The following SYDE2 variants were observed in gnomAD, a reference collection of about 807,000 sequenced individuals.
SYDE2 encodes the protein synapse defective Rho GTPase homolog 2, also known as rho GTPase-activating protein SYDE2.
Under a neutral mutation model 91.5 loss-of-function variants are expected in SYDE2, and 76 were observed. The observed-to-expected ratio is 0.83, with a 90% CI of 0.69 to 1.01. The LOEUF is 1.01. Among genes scored for constraint, SYDE2 ranks in the 50% least tolerant of loss-of-function variants. SYDE2 has a pLI of 0.00. For synonymous variants in SYDE2, 513 were observed against 506.4 expected, an observed-to-expected ratio of 1.01 and a Z score of -0.18; for missense variants, 1,364 against 1,367.7, an observed-to-expected ratio of 1.00 and a Z score of 0.04.
chr1:85,169,683 A>C (rs975004840), intron 4 of SYDE2, among the ~76,000 whole-genome samples: 1 of 152,230 alleles, frequency 6.6e-6, no homozygotes, highest in Non-Finnish European at 1.5e-5. Flanking sequence ...TTGGAAATAA[A>C]TACATTTCCT....
intron 2 of SYDE2, among the ~76,000 whole-genome samples, chr1:85,186,252 A>G (rs547167490): frequency 6.6e-6 from 1 of 152,182 alleles, no homozygotes; most frequent in Non-Finnish European, 1.5e-5. Context: ...TTGGTCTAAA[A>G]TTCTCTTTTT....
At chr1:85,183,265 T>G (rs1416025064) in intron 2 of SYDE2, 65 bp from the exon 3 acceptor site, 1 of 1,420,310 alleles carries the variant, frequency 7.0e-7, no homozygotes, top group African/African-American at 1.4e-5. Context: ...ATTCTTATTT[T>G]ATAAACCATC....
chr1:85,164,612 A>G lies in SYDE2; in HGVS notation c.2999T>C (p.Val1000Ala), dbSNP rs775922935. The change falls in exon 6 of 7, where the codon GTC becomes GCC. Residue 1000 changes from valine (V) to alanine (A), a missense_variant. By Grantham distance (64) the Val-to-Ala change is moderately conservative. Transcript: ENST00000341460. ...RQEPSTHNNR[V>A]FTDSEELASA... ...TGCAAGTTCTTCTGAATCAGTAAAG[A>G]CTCTGTTGTTATGGGTGGAAGGCTC... 1 of 1,607,316 alleles carries G rather than the reference A, an allele frequency of 6.2e-7. No homozygotes were observed. Among genetic ancestry groups the G allele is most frequent in the Non-Finnish European group, 8.5e-7 (1 of 1,176,644 alleles).
At chr1:85,199,862 A>G (rs1349854938) in intron 1 of SYDE2, among the ~76,000 whole-genome samples, 4 of 152,176 alleles carry the variant, frequency 2.6e-5, no homozygotes, top group Admixed American at 6.5e-5. Flanking sequence ...TACAAACTCC[A>G]CAAAAGTCTA....
At chr1:85,164,021 T>C (rs1048053218) in intron 6 of SYDE2, among the ~76,000 whole-genome samples, 4 of 152,174 alleles carry the variant, frequency 2.6e-5, no homozygotes, top group Non-Finnish European at 4.4e-5. Context: ...GTTAAAGACG[T>C]AAAGAAGAAT....
At chr1:85,185,663 T>G (rs1196150639) in intron 2 of SYDE2, among the ~76,000 whole-genome samples, 1 of 152,212 alleles carries the variant, frequency 6.6e-6, no homozygotes, top group East Asian at 1.9e-4. Context: ...TCCTGAGACT[T>G]TGCTGAAGTT....
intron 1 of SYDE2, among the ~76,000 whole-genome samples, chr1:85,198,207 A>T (rs1170494261): frequency 6.6e-6 from 1 of 152,166 alleles, no homozygotes; most frequent in Non-Finnish European, 1.5e-5. Context: ...ATCCATACAC[A>T]GGTACCAACT....
chr1:85,200,755 G>A lies in SYDE2; in HGVS notation c.242C>T (p.Pro81Leu). Residue 81 changes from proline (P) to leucine (L), a missense_variant, in exon 1 of 7, where the codon CCG becomes CTG. Transcript: ENST00000341460. ...GCTCTCGAGGCTTCTGCTGCAGGAC[G>A]GCCGCATCCGAGGAGTCCGCAGCTG... ...GGQLRTPRMR[P>L]SCSRSLESLR... 6.5e-7 allele frequency: 1 copy of A among 1,529,480 alleles called. No homozygotes were observed. The highest frequency in any genetic ancestry group is 1.4e-5 in the African/African-American group (1 of 72,744). The allele number at this position is 1,529,480 out of a possible 1,614,324, so 94.7% of individuals were successfully genotyped here.
In SYDE2 at chr1:85,164,594, TC is replaced by T; in HGVS notation, c.3016del (p.Glu1006AsnfsTer27). 6.2e-7 allele frequency: 1 copy of T among 1,608,320 alleles called. No individual in the cohort carries two copies. ...TTTAAAATCCAAAGCACTTGCAAGT[TC>T]TTCTGAATCAGTAAAGACTCTGTTG... The part of the protein sequence containing the change: ...HNNRVFTDSE[E>X]LASALDFKKH... On this transcript the variant is annotated frameshift_variant, in exon 6 of 7. Transcript: ENST00000341460. LOFTEE classifies it high-confidence loss of function.
intron 6 of SYDE2, among the ~76,000 whole-genome samples, chr1:85,163,934 T>C (rs1657170345): frequency 6.6e-6 from 1 of 152,028 alleles, no homozygotes; most frequent in African/African-American, 2.4e-5. Context: ...GAAATAAGGA[T>C]TGGATAAGAA....
At chr1:85,154,588 G>A (rs1656835974), downstream of SYDE2, among the ~76,000 whole-genome samples, 2 of 149,926 alleles carry the variant, frequency 1.3e-5, no homozygotes, top group Admixed American at 1.3e-4. Context: ...GGAACTCACT[G>A]AAAAAACATG....
chr1:85,199,991 C>T (rs976747938), intron 1 of SYDE2, among the ~76,000 whole-genome samples: 2 of 151,824 alleles, frequency 1.3e-5, no homozygotes, highest in African/African-American at 2.4e-5. Context: ...GGAATAGACA[C>T]ACTGGTTTTT....
chr1:85,178,578 GTGCGCCCTT>G (rs1429028082), intron 3 of SYDE2, among the ~76,000 whole-genome samples: 1 of 152,108 alleles, frequency 6.6e-6, no homozygotes, highest in Non-Finnish European at 1.5e-5. Context: ...CCCCAGGAAT[GTGCGCCCTT>G]TCACATCTTT....
intron 6 of SYDE2, chr1:85,160,408 T>G (rs1452246251): frequency 2.3e-6 from 2 of 887,132 alleles, no homozygotes; most frequent in African/African-American, 3.6e-5. Context: ...GGTATGTTTT[T>G]AACATTTCTA....
chr1:85,164,454 G>T, intron 6 of SYDE2, 72 bp downstream of exon 6: 1 of 1,078,222 alleles, frequency 9.3e-7, no homozygotes. Flanking sequence ...TCATATATGA[G>T]CATATTTAAT....
Position 85,200,632 on chromosome 1 carries a change from C to G in SYDE2, c.365G>C (p.Arg122Pro). 2 of 1,546,924 alleles carry G rather than the reference C, an allele frequency of 1.3e-6. No homozygotes were observed. Among genetic ancestry groups the G allele is most frequent in the Middle Eastern group, 1.8e-4 (1 of 5,662 alleles). Residue 122 changes from arginine (R) to proline (P), a missense_variant, in exon 1 of 7, where the codon CGT (arginine) becomes CCT (proline). Transcript: ENST00000341460. ...ACTCCAGCCGTCCATCCTGCCTCCA[C>G]GTGGCGGGGGCTCGTCCCAGTCCCG... ...AHRDWDEPPP[R>P]GGRMDGWSGD...
intron 5 of SYDE2, among the ~76,000 whole-genome samples, chr1:85,166,480 G>A (rs1336116201): frequency 6.6e-6 from 1 of 152,006 alleles, no homozygotes; most frequent in Non-Finnish European, 1.5e-5. Context: ...TGGTCAGAAG[G>A]CCATTTAATA....
intron 6 of SYDE2, among the ~76,000 whole-genome samples, chr1:85,162,169 A>G (rs1657086676): frequency 6.6e-6 from 1 of 152,248 alleles, no homozygotes; most frequent in Non-Finnish European, 1.5e-5. Flanking sequence ...ACAAAAAATA[A>G]CATGAAACAA....
intron 1 of SYDE2, among the ~76,000 whole-genome samples, chr1:85,198,087 G>C (rs1008214141): frequency 1.3e-5 from 2 of 152,130 alleles, no homozygotes; most frequent in Admixed American, 6.5e-5. Flanking sequence ...CAATTTAATA[G>C]AATTAATTGG....
Sources: allele counts gnomAD v4.1 joint callset (sites outside exome capture counted in the v4.1 genomes callset), GRCh38; gene constraint gnomAD v4.1.1; transcripts MANE v1.5; gene names NCBI Gene and HGNC (gene_info 2026-07-23, HGNC 2026-07-21).